The following UBASH3A variants were observed in gnomAD, a reference collection of about 807,000 sequenced individuals.
UBASH3A encodes the protein ubiquitin associated and SH3 domain containing A.
A neutral mutation model predicts 73.5 loss-of-function variants in UBASH3A; 63 were observed. That is an observed-to-expected ratio of 0.86 (90% CI 0.70 to 1.06). UBASH3A has a LOEUF of 1.06. Ranked by LOEUF, UBASH3A falls within the 50% of genes least tolerant of loss-of-function variation. The pLI, the probability that UBASH3A is intolerant of heterozygous loss-of-function variation, is 0.00. For missense variants in UBASH3A, 860 were observed against 859.0 expected, an observed-to-expected ratio of 1.00 and a Z score of -0.02; for synonymous variants, 363 against 351.1, an observed-to-expected ratio of 1.03 and a Z score of -0.38.
intron 2 of UBASH3A, among the ~76,000 whole-genome samples, chr21:42,407,131 T>C (rs1054229697): frequency 1.3e-5 from 2 of 152,182 alleles, no homozygotes; most frequent in African/African-American, 4.8e-5. Flanking sequence ...GCCATGGGCC[T>C]GTTCTCTGCT....
intron 14 of UBASH3A, among the ~76,000 whole-genome samples, 197 bp from the exon 15 acceptor site, chr21:42,446,860 G>C (rs2053852195): frequency 6.6e-6 from 1 of 152,160 alleles, no homozygotes; most frequent in African/African-American, 2.4e-5. Context: ...GAATTACCCA[G>C]TGTCCCCTGG....
chr21:42,433,714 C>T (rs1166362374), intron 9 of UBASH3A, among the ~76,000 whole-genome samples: 1 of 152,168 alleles, frequency 6.6e-6, no homozygotes, highest in Non-Finnish European at 1.5e-5. Context: ...AGTGTTCAAA[C>T]AAGAGTCTCT....
At chr21:42,404,525 A>T (rs772370726) in intron 1 of UBASH3A, among the ~76,000 whole-genome samples, 3 of 152,172 alleles carry the variant, frequency 2.0e-5, no homozygotes, top group Non-Finnish European at 2.9e-5. Context: ...AATTTGTGAA[A>T]ATCAGAAGCC....
intron 11 of UBASH3A, 71 bp downstream of exon 11, chr21:42,437,651 G>A: frequency 7.3e-7 from 1 of 1,375,364 alleles, no homozygotes; most frequent in Non-Finnish European, 1.0e-6. Flanking sequence ...GGAGTGGGAA[G>A]GGAGTGGAGG....
intron 6 of UBASH3A, chr21:42,417,414 A>T (rs1278823391): frequency 9.0e-6 from 1 of 111,086 alleles, no homozygotes; most frequent in Non-Finnish European, 1.9e-5. Context: ...ACAGAGCGAG[A>T]CTGGCAAAAA....
chr21:42,421,049 A>G (rs146480822), intron 7 of UBASH3A, among the ~76,000 whole-genome samples: 1 of 152,384 alleles, frequency 6.6e-6, no homozygotes, highest in African/African-American at 2.4e-5. Context: ...ACTGTCGTTC[A>G]GTCTGGCCAA....
chr21:42,443,450 C>T, intron 13 of UBASH3A, 32 bp downstream of exon 13: 1 of 1,543,596 alleles, frequency 6.5e-7, no homozygotes, highest in South Asian at 1.2e-5. Flanking sequence ...GTATGAACAG[C>T]CCCTGGGGCT....
intron 3 of UBASH3A, chr21:42,410,492 G>A (rs1434107039): frequency 2.4e-6 from 1 of 418,678 alleles, no homozygotes; most frequent in African/African-American, 2.0e-5. Context: ...TCTGGAAGAT[G>A]TCCCAGGAGA....
At chr21:42,432,339 G>T in intron 9 of UBASH3A, 137 bp downstream of exon 9, 1 of 581,970 alleles carries the variant, frequency 1.7e-6, no homozygotes, top group Non-Finnish European at 3.1e-6. Flanking sequence ...GACTGTATGT[G>T]TGGAAAACGT....
At chr21:42,446,705 T>G (rs1027696434) in intron 14 of UBASH3A, among the ~76,000 whole-genome samples, 1 of 152,236 alleles carries the variant, frequency 6.6e-6, no homozygotes, top group African/African-American at 2.4e-5. Context: ...CCTTAAGTGG[T>G]GGATGGCAAT....
chr21:42,427,730 C>T (rs1336942123), intron 8 of UBASH3A, among the ~76,000 whole-genome samples: 1 of 152,180 alleles, frequency 6.6e-6, no homozygotes, highest in Non-Finnish European at 1.5e-5. Context: ...TGCGGAGAAA[C>T]TATTGTGCCC....
At chr21:42,437,634 TC>T in intron 11 of UBASH3A, 54 bp downstream of exon 11, 1 of 1,491,340 alleles carries the variant, frequency 6.7e-7, no homozygotes, top group East Asian at 2.3e-5. Context: ...GGGGCTATTC[TC>T]CAAGGGGAGT....
intron 7 of UBASH3A, among the ~76,000 whole-genome samples, chr21:42,424,902 A>T (rs576434917): frequency 5.3e-5 from 8 of 152,264 alleles, no homozygotes; most frequent in African/African-American, 1.9e-4. Flanking sequence ...AGACACACAC[A>T]GAGGGACAGC....
In UBASH3A at chr21:42,413,127, C is replaced by T; in HGVS notation, c.458C>T (p.Ser153Phe). 6.2e-7 allele frequency: 1 copy of T among 1,614,230 alleles called. No individual in the cohort carries two copies. The highest frequency in any genetic ancestry group is 8.5e-7 in the Non-Finnish European group (1 of 1,180,040). ...PTAVPLALHS[S>F]ISYLGFFVSG... The stretch of plus-strand genomic sequence containing the variant: ...GCCGTGCCTCTGGCTCTCCACTCCT[C>T]CATCAGCTACCTCGGCTTCTTCGTC... The change falls in exon 4 of 15, where the codon TCC becomes TTC. Residue 153 changes from serine (S) to phenylalanine (F), a missense_variant. Transcript: ENST00000319294. This position sits in a 1 kb window ranked among gnomAD's most constrained non-coding sequence, Gnocchi z 4.5.
intron 11 of UBASH3A, among the ~76,000 whole-genome samples, chr21:42,438,249 G>A (rs1415765380): frequency 6.6e-6 from 1 of 152,216 alleles, no homozygotes; most frequent in Non-Finnish European, 1.5e-5. Flanking sequence ...AAGGGAGAGG[G>A]CAGAGCACAC....
chr21:42,412,885 G>A, intron 3 of UBASH3A, 139 bp from the exon 4 acceptor site: 1 of 771,476 alleles, frequency 1.3e-6, no homozygotes, highest in Non-Finnish European at 2.2e-6. Flanking sequence ...CAGACACAAA[G>A]GGACGCAATA....
intron 11 of UBASH3A, among the ~76,000 whole-genome samples, chr21:42,441,411 C>T (rs978501996): frequency 4.9e-5 from 6 of 123,046 alleles, no homozygotes; most frequent in Admixed American, 2.8e-4. Flanking sequence ...GGGGAGATTT[C>T]GGGGGCCTGG....
chr21:42,443,265 C>T (rs761673491), intron 12 of UBASH3A, 47 bp from the exon 13 acceptor site: 2 of 1,581,888 alleles, frequency 1.3e-6, no homozygotes, highest in Non-Finnish European at 1.7e-6. Context: ...CCTTCCTAAT[C>T]CCTACGAAAG....
At position 42,437,543 on chromosome 21, in the gene UBASH3A, C is replaced by T. The variant is rs751695336; in HGVS notation, c.1449C>T (p.Ala483=). The T allele has an allele frequency of 1.9e-6, 3 of 1,614,144 alleles. No individual in the cohort carries two copies. In the African/African-American group the frequency reaches 4.0e-5, roughly 22 times the overall value. Residue 483 remains alanine, a synonymous_variant, in exon 11 of 15, where the codon GCC becomes GCT. Coordinates refer to ENST00000319294, the MANE Select transcript of UBASH3A (RefSeq NM_018961.4). The part of the protein sequence containing the change: ...IRISSVFASP[A]LRCVQTAKLI... ...TCAGCTCTGTGTTTGCCTCCCCAGC[C>T]CTCCGCTGTGTGCAGACGGCCAAAC...
Sources: gnomAD v4.1 joint callset for allele counts (sites outside exome capture counted in the v4.1 genomes callset) on GRCh38, gnomAD v4.1.1 for gene constraint, Gnocchi (gnomAD v3.1) non-coding constraint, MANE v1.5 for transcripts, NCBI Gene and HGNC (gene_info 2026-07-23, HGNC 2026-07-21) for gene names.